The following PELI1 variants were observed in gnomAD, a reference collection of about 807,000 sequenced individuals.
PELI1 encodes the protein E3 ubiquitin-protein ligase pellino homolog 1.
A neutral mutation model predicts 41.3 loss-of-function variants in PELI1; 15 were observed. That is an observed-to-expected ratio of 0.36 (90% confidence interval 0.24 to 0.56). PELI1 has a LOEUF of 0.56. Among genes scored for constraint, PELI1 ranks in the 20% least tolerant of loss-of-function variants. The pLI is 0.82. For missense variants in PELI1, 403 were observed against 525.5 expected (o/e 0.77, Z 2.28); for synonymous variants, 178 against 180.1 (o/e 0.99, Z 0.09).
intron 1 of PELI1, among the ~76,000 whole-genome samples, chr2:64,108,981 C>T (rs1680711098): frequency 6.6e-6 from 1 of 152,222 alleles, no homozygotes; most frequent in Non-Finnish European, 1.5e-5. Flanking sequence ...CCAACGAAAG[C>T]TAAGTGAGGA....
intron 1 of PELI1, among the ~76,000 whole-genome samples, chr2:64,132,366 C>T (rs934592147): frequency 3.3e-5 from 5 of 152,244 alleles, no homozygotes; most frequent in Middle Eastern, 3.4e-3. Flanking sequence ...AAATATTCCA[C>T]GATCTGAAAA....
intron 1 of PELI1, among the ~76,000 whole-genome samples, chr2:64,132,328 A>G (rs1681583639): frequency 6.6e-6 from 1 of 152,186 alleles, no homozygotes; most frequent in South Asian, 2.1e-4. Context: ...CACAACTCTC[A>G]AAGGAAATGC....
At chr2:64,102,810 CAAAATTTAAAGAGGAGGAGTCAA>C (rs1279769665) in intron 3 of PELI1, among the ~76,000 whole-genome samples, 5 of 151,388 alleles carry the variant, frequency 3.3e-5, no homozygotes, top group Admixed American at 6.6e-5. Context: ...TACATTCCTC[CAAAATTTAAAGAGGAGGAGTCAA>C]TCTTTTTTTT....
chr2:64,104,850 A>G lies in PELI1; in HGVS notation c.72-20T>C. 6.2e-7 allele frequency: 1 copy of G among 1,605,206 alleles called. No individual in the cohort carries two copies. Among genetic ancestry groups the G allele is most frequent in the East Asian group, 2.2e-5 (1 of 44,806 alleles). On this transcript the variant is annotated intron_variant, in intron 2 of 6. Transcript: ENST00000358912. ...TTATACCTGATGGGGGAAAAAAAGTATAGGTGATCTCTTGCAAGAACTGCA... is the reference window on the plus strand; with the variant it reads ...TTATACCTGATGGGGGAAAAAAAGTGTAGGTGATCTCTTGCAAGAACTGCA...
At chr2:64,095,362 G>A (rs1680198867) in intron 6 of PELI1, 94 bp from the exon 7 acceptor site, 1 of 716,174 alleles carries the variant, frequency 1.4e-6, no homozygotes, top group Non-Finnish European at 2.4e-6. Flanking sequence ...CTCAAGAAAT[G>A]AGGTTTCCTA....
intron 1 of PELI1, among the ~76,000 whole-genome samples, chr2:64,140,659 CTT>C (rs1359281806): frequency 6.6e-6 from 1 of 151,788 alleles, no homozygotes; most frequent in Non-Finnish European, 1.5e-5. Context: ...AAACACTGTG[CTT>C]TCTCTTTATT....
chr2:64,098,124 G>C (rs1217727601), intron 4 of PELI1, among the ~76,000 whole-genome samples: 2 of 152,060 alleles, frequency 1.3e-5, no homozygotes, highest in Non-Finnish European at 2.9e-5. Context: ...AGCAATATTT[G>C]TAATGACAAT....
At chr2:64,095,559 T>C (rs147203320) in intron 6 of PELI1, among the ~76,000 whole-genome samples, 314 of 152,336 alleles carry the variant, frequency 2.1e-3, no homozygotes, top group African/African-American at 7.1e-3. Flanking sequence ...GTTTAAGATA[T>C]ACAGATGGCA....
At chr2:64,136,616 A>G (rs546301459) in intron 1 of PELI1, among the ~76,000 whole-genome samples, 2 of 152,362 alleles carry the variant, frequency 1.3e-5, no homozygotes, top group Non-Finnish European at 2.9e-5. Context: ...GGTTAAAAAT[A>G]CAAATGAGGC....
At chr2:64,103,062 C>T (rs553467773) in intron 3 of PELI1, among the ~76,000 whole-genome samples, 4 of 152,006 alleles carry the variant, frequency 2.6e-5, no homozygotes, top group Admixed American at 2.0e-4. Flanking sequence ...AGGCTGGTCT[C>T]GAACTCCCGA....
In PELI1 at chr2:64,094,531, T is replaced by C; in HGVS notation, c.*171A>G. 1 of 508,388 alleles carries C rather than the reference T, an allele frequency of 2.0e-6. No individual in the cohort carries two copies. The highest frequency in any genetic ancestry group is 1.9e-5 in the African/African-American group (1 of 52,166). The allele number at this position is 508,388 out of a possible 1,614,324, so 31.5% of individuals were successfully genotyped here. ...CTTTCAGAAATTCCTTTGCTTGAGTTTCCCAGATTTTTGCTCAGAAATTGC... is the reference window on the plus strand; with the variant it reads ...CTTTCAGAAATTCCTTTGCTTGAGTCTCCCAGATTTTTGCTCAGAAATTGC... On this transcript the variant is annotated 3_prime_UTR_variant, in exon 7 of 7. Coordinates refer to ENST00000358912, the MANE Select transcript of PELI1 (RefSeq NM_020651.4).
intron 4 of PELI1, among the ~76,000 whole-genome samples, chr2:64,097,200 G>A (rs1441260047): frequency 6.6e-6 from 1 of 152,118 alleles, no homozygotes; most frequent in African/African-American, 2.4e-5. Flanking sequence ...TTTCTGTCAG[G>A]TTGTCAGCTA....
At chr2:64,102,268 TC>T (rs1195763232) in intron 3 of PELI1, among the ~76,000 whole-genome samples, 1 of 152,056 alleles carries the variant, frequency 6.6e-6, no homozygotes, top group Non-Finnish European at 1.5e-5. Context: ...CATATTTCTT[TC>T]TACACATTTA....
At chr2:64,131,305 T>TATATATATATACACAC (rs1004259897) in intron 1 of PELI1, among the ~76,000 whole-genome samples, 28 of 150,170 alleles carry the variant, frequency 1.9e-4, no homozygotes, top group African/African-American at 6.9e-4. Flanking sequence ...TAGCAATTCA[T>TATATATATATACACAC]ATATATATAT....
At chr2:64,124,310 C>T (rs1401343389) in intron 1 of PELI1, among the ~76,000 whole-genome samples, 2 of 152,186 alleles carry the variant, frequency 1.3e-5, no homozygotes, top group South Asian at 2.1e-4. Flanking sequence ...AAAAATTATA[C>T]CTCAATAAAG....
chr2:64,109,120 G>C (rs2103691924), intron 1 of PELI1, among the ~76,000 whole-genome samples: 1 of 152,264 alleles, frequency 6.6e-6, no homozygotes, highest in East Asian at 1.9e-4. Context: ...ACCTACCTCA[G>C]TAGGTGTCAG....
At chr2:64,116,406 T>A (rs1680993413) in intron 1 of PELI1, among the ~76,000 whole-genome samples, 1 of 152,168 alleles carries the variant, frequency 6.6e-6, no homozygotes, top group South Asian at 2.1e-4. Flanking sequence ...AAATTCTGCA[T>A]AAAGCAGCAA....
intron 2 of PELI1, among the ~76,000 whole-genome samples, chr2:64,105,651 CAGA>C (rs1680594572): frequency 6.6e-6 from 1 of 152,132 alleles, no homozygotes; most frequent in Non-Finnish European, 1.5e-5. Flanking sequence ...GAAACAGACT[CAGA>C]AGAATTATAT....
At chr2:64,133,470 G>C (rs1476264337) in intron 1 of PELI1, among the ~76,000 whole-genome samples, 2 of 152,078 alleles carry the variant, frequency 1.3e-5, no homozygotes, top group Non-Finnish European at 2.9e-5. Context: ...GTTTCTGACA[G>C]TGCTGTATAA....
Sources: allele counts gnomAD v4.1 joint callset (sites outside exome capture counted in the v4.1 genomes callset), GRCh38; gene constraint gnomAD v4.1.1; transcripts MANE v1.5; gene names NCBI Gene and HGNC (gene_info 2026-07-23, HGNC 2026-07-21).